Variants in NAA16 observed in about 807,000 individuals in gnomAD.
NAA16 encodes NARG1-like protein.
In NAA16, 97 loss-of-function variants were observed where a neutral mutation model predicts 110.3. The ratio of observed to expected loss-of-function variants is 0.88; its 90% CI spans 0.75 to 1.04. The LOEUF (loss-of-function observed/expected upper bound fraction) is 1.04. NAA16 is among the 50% of genes least tolerant of loss of function. The pLI is 0.00. For missense variants in NAA16, 1,017 were observed against 1,005.1 expected (o/e 1.01, Z -0.16); for synonymous variants, 372 against 330.6 (o/e 1.13, Z -1.36).
chr13:41,347,241 A>C (rs2042710557), intron 9 of NAA16, among the ~76,000 whole-genome samples: 1 of 150,070 alleles, frequency 6.7e-6, no homozygotes. Context: ...AAACAAAAAC[A>C]AAAAAAGAAA....
intron 8 of NAA16, among the ~76,000 whole-genome samples, chr13:41,334,295 A>G (rs757953827): frequency 6.6e-6 from 1 of 152,220 alleles, no homozygotes; most frequent in Non-Finnish European, 1.5e-5. Context: ...ACCTGAAAAT[A>G]TTAAGCACTC....
chr13:41,354,885 C>CT (rs2042940050), intron 9 of NAA16, among the ~76,000 whole-genome samples: 4 of 48,246 alleles, frequency 8.3e-5, no homozygotes, highest in Non-Finnish European at 1.4e-4. Context: ...AGGAGTGGTC[C>CT]ATTTTTTTTT....
At chr13:41,326,084 T>C (rs1428307679) in intron 6 of NAA16, among the ~76,000 whole-genome samples, 1 of 152,170 alleles carries the variant, frequency 6.6e-6, no homozygotes, top group African/African-American at 2.4e-5. Context: ...TCATACAGTT[T>C]AGTAAACTGG....
intron 9 of NAA16, among the ~76,000 whole-genome samples, chr13:41,344,218 C>T (rs533788139): frequency 1.3e-5 from 2 of 152,236 alleles, no homozygotes; most frequent in African/African-American, 4.8e-5. Flanking sequence ...ATTCGTTTTT[C>T]ACAAGGTTGT....
Position 41,373,672 on chromosome 13 carries a change from A to G in NAA16, c.2191A>G (p.Lys731Glu). The G allele has an allele frequency of 1.2e-6, 2 of 1,609,198 alleles. No homozygotes were observed. The highest frequency in any genetic ancestry group is 8.5e-7 in the Non-Finnish European group (1 of 1,178,274). The part of the protein sequence containing the change: ...NHSNLPDIVS[K>E]VLSQEMQKIF... Reference sequence around the variant, plus strand: ...TAGTAATCTTCCAGACATTGTGAGCAAAGTTCTATCTCAAGAAATGCAGAA... The same window carrying G: ...TAGTAATCTTCCAGACATTGTGAGCGAAGTTCTATCTCAAGAAATGCAGAA... The change falls in exon 18 of 20, where the codon AAA (lysine) becomes GAA (glutamate). Residue 731 changes from lysine (K) to glutamate (E), a missense_variant. Lys to Glu is a moderately conservative substitution (Grantham distance 56). Coordinates refer to ENST00000379406, the MANE Select transcript of NAA16 (RefSeq NM_024561.5).
chr13:41,374,072 A>G (rs1165186428), intron 18 of NAA16, among the ~76,000 whole-genome samples: 1 of 152,124 alleles, frequency 6.6e-6, no homozygotes, highest in Admixed American at 6.6e-5. Context: ...TGCATGGGAA[A>G]AAGGCTGAAA....
chr13:41,358,289 T>C lies in NAA16; in HGVS notation c.1088-15T>C. 6.2e-7 allele frequency: 1 copy of C among 1,601,432 alleles called. No individual in the cohort carries two copies. The highest frequency in any genetic ancestry group is 8.5e-7 in the Non-Finnish European group (1 of 1,170,044). Reference sequence around the variant, plus strand: ...ACATTCTTTCTATAATAATTTAATATTTGTTTGATTGCAGAGAATGGGGAG... The same window carrying C: ...ACATTCTTTCTATAATAATTTAATACTTGTTTGATTGCAGAGAATGGGGAG... On this transcript the variant is annotated splice_polypyrimidine_tract_variant and intron_variant, in intron 10 of 19. Coordinates refer to ENST00000379406, the MANE Select transcript of NAA16 (RefSeq NM_024561.5).
intron 17 of NAA16, chr13:41,373,159 G>A: frequency 1.1e-6 from 1 of 931,856 alleles, no homozygotes; most frequent in Non-Finnish European, 1.3e-6. Flanking sequence ...GTAGAAATTA[G>A]TGCATTTTTA....
Position 41,369,193 on chromosome 13 carries a change from T to C in NAA16, c.1857T>C (p.Arg619=). 6.3e-7 allele frequency: 1 copy of C among 1,597,350 alleles called. No individual in the cohort carries two copies. Among genetic ancestry groups the C allele is most frequent in the Non-Finnish European group, 8.5e-7 (1 of 1,172,372 alleles). ...EEERKHAERE[R]QQKNQKKKRD... ...AAAGAAAGCATGCAGAAAGAGAACG[T>C]CAACAGAAAAATCAAAAGAAAAAAA... is the stretch of plus-strand genomic sequence containing the variant. The change falls in exon 15 of 20, where the codon CGT becomes CGC. Residue 619 remains arginine (R), a synonymous_variant. Coordinates refer to ENST00000379406, the MANE Select transcript of NAA16 (RefSeq NM_024561.5).
At position 41,373,781 on chromosome 13, in the gene NAA16, G is replaced by C; in HGVS notation, c.2299+1G>C. 1 of 1,591,646 alleles carries C rather than the reference G, an allele frequency of 6.3e-7. No individual in the cohort carries two copies. Among genetic ancestry groups the C allele is most frequent in the Non-Finnish European group, 8.5e-7 (1 of 1,172,942 alleles). ...ACCTCTCTTCAGCATCTACTTTCAG[G>C]TTTGTTTGTAGCCCCCAGGGTTAAA... On this transcript the variant is annotated splice_donor_variant, in intron 18 of 19. Transcript: ENST00000379406. LOFTEE classifies it high-confidence loss of function.
chr13:41,315,399 T>C (rs2041781353), intron 1 of NAA16, among the ~76,000 whole-genome samples: 1 of 152,014 alleles, frequency 6.6e-6, no homozygotes, highest in South Asian at 2.1e-4. Flanking sequence ...CAGGGAGAGA[T>C]GTTAATTGTG....
chr13:41,322,234 C>G (rs2041966213), intron 4 of NAA16, among the ~76,000 whole-genome samples: 1 of 151,920 alleles, frequency 6.6e-6, no homozygotes, highest in Non-Finnish European at 1.5e-5. Context: ...AAAAGGAGAG[C>G]TGGTGGTGAA....
chr13:41,335,381 G>C (rs2042352976), intron 8 of NAA16, among the ~76,000 whole-genome samples: 2 of 152,114 alleles, frequency 1.3e-5, no homozygotes, highest in Non-Finnish European at 2.9e-5. Context: ...CAAGTTATTT[G>C]CCCAAGGTTG....
chr13:41,328,201 C>G (rs191092355), intron 6 of NAA16, among the ~76,000 whole-genome samples: 110 of 152,190 alleles, frequency 7.2e-4, no homozygotes, highest in African/African-American at 2.5e-3. Context: ...CTGAGCTGAC[C>G]TGTACATGAA....
At chr13:41,338,633 CTG>C (rs1028091462) in intron 9 of NAA16, among the ~76,000 whole-genome samples, 3 of 152,132 alleles carry the variant, frequency 2.0e-5, no homozygotes, top group African/African-American at 7.2e-5. Flanking sequence ...AGTCTAAGAA[CTG>C]TTTCTCAAAT....
At chr13:41,338,244 G>A (rs57516161) in intron 9 of NAA16, among the ~76,000 whole-genome samples, 10,778 of 152,216 alleles carry the variant, frequency 0.071, 1,257 homozygotes, top group African/African-American at 0.24. Context: ...CAGTATTGCA[G>A]CAGCTACTGA....
intron 9 of NAA16, among the ~76,000 whole-genome samples, chr13:41,345,225 A>G (rs888860491): frequency 1.5e-4 from 23 of 152,256 alleles, no homozygotes; most frequent in Non-Finnish European, 5.9e-5. Flanking sequence ...TTGCTGAGTC[A>G]AATGGTAACT....
At chr13:41,347,050 C>A (rs2042700079) in intron 9 of NAA16, among the ~76,000 whole-genome samples, 1 of 151,892 alleles carries the variant, frequency 6.6e-6, no homozygotes, top group Admixed American at 6.6e-5. Flanking sequence ...AACCCCATCT[C>A]TACTAAAAAT....
At chr13:41,341,700 G>C (rs1473249898) in intron 9 of NAA16, among the ~76,000 whole-genome samples, 1 of 152,200 alleles carries the variant, frequency 6.6e-6, no homozygotes, top group Non-Finnish European at 1.5e-5. Flanking sequence ...CTGTGCCACA[G>C]ACTTGAGACC....
Sources: allele counts gnomAD v4.1 joint callset (sites outside exome capture counted in the v4.1 genomes callset), GRCh38; gene constraint gnomAD v4.1.1; transcripts MANE v1.5; gene names NCBI Gene and HGNC (gene_info 2026-07-23, HGNC 2026-07-21).